Variants in LCOR observed in about 807,000 individuals in gnomAD.
The protein encoded by LCOR is ligand-dependent corepressor.
LCOR carries 14 observed loss-of-function variants against 64.4 expected under a neutral mutation model. That is an observed-to-expected ratio of 0.22 (90% CI 0.14 to 0.34). The LOEUF is 0.34. Among genes scored for constraint, LCOR ranks in the 10% least tolerant of loss-of-function variants. LCOR has a pLI of 1.00. For synonymous variants in LCOR, 643 were observed against 642.5 expected, an observed-to-expected ratio of 1.00 and a Z score of -0.01; for missense variants, 1,686 against 1,765.3, an observed-to-expected ratio of 0.96 and a Z score of 0.80.
intron 2 of LCOR, among the ~76,000 whole-genome samples, chr10:96,846,465 T>A (rs1845631954): frequency 6.6e-6 from 1 of 152,028 alleles, no homozygotes; most frequent in African/African-American, 2.4e-5. Context: ...TTGCCCAGGC[T>A]AGTCTTAAAC....
rs1847893972 is a variant in LCOR at position 96,962,285 on chromosome 10, C to T, written c.332+10089C>T. 2.0e-5 allele frequency: 3 copies of T among 152,148 alleles called. No individual in the cohort carries two copies. In the South Asian group the frequency reaches 6.2e-4, roughly 32 times the overall value. 9.4% of individuals were successfully genotyped at this position (152,148 alleles called of 1,614,324 possible). A position where few individuals can be genotyped will look rare whatever the true frequency, so the allele number is the denominator to read the frequency against. ...CCTAAAATAAAAATTTGTTTCAAAC[C>T]ATTTTAGAAAAATAAATCACTAGGA... On this transcript the variant is annotated intron_variant, in intron 7 of 7. Coordinates refer to ENST00000421806, the MANE Select transcript of LCOR (RefSeq NM_001346516.2).
chr10:96,974,156 A>T (rs1848019648), intron 7 of LCOR, among the ~76,000 whole-genome samples: 1 of 152,254 alleles, frequency 6.6e-6, no homozygotes, highest in African/African-American at 2.4e-5. Context: ...TATGAATATT[A>T]TCTTATCCTT....
chr10:96,918,636 G>A (rs907915153), intron 4 of LCOR, among the ~76,000 whole-genome samples: 13 of 152,190 alleles, frequency 8.5e-5, no homozygotes, highest in Admixed American at 7.9e-4. Flanking sequence ...GTTGGAAAAG[G>A]CAAGATTGTA....
At chr10:96,884,907 G>A (rs1212999604) in intron 2 of LCOR, among the ~76,000 whole-genome samples, 1 of 152,150 alleles carries the variant, frequency 6.6e-6, no homozygotes, top group Non-Finnish European at 1.5e-5. Context: ...TTTCTGGTAC[G>A]TGAGGCATTT....
chr10:96,908,837 T>TCACG (rs1248340400), intron 4 of LCOR, among the ~76,000 whole-genome samples: 1 of 152,090 alleles, frequency 6.6e-6, no homozygotes, highest in East Asian at 1.9e-4. Flanking sequence ...TGCCTCAGCC[T>TCACG]CACGAGTAGC....
At chr10:96,938,491 C>G (rs892601198) in intron 4 of LCOR, among the ~76,000 whole-genome samples, 5 of 151,830 alleles carry the variant, frequency 3.3e-5, no homozygotes, top group African/African-American at 9.7e-5. Context: ...AGGATGTCCA[C>G]TCTCACCATG....
At chr10:96,899,881 T>G (rs1308407903) in intron 2 of LCOR, among the ~76,000 whole-genome samples, 3 of 152,138 alleles carry the variant, frequency 2.0e-5, no homozygotes, top group Non-Finnish European at 4.4e-5. Flanking sequence ...TTACAAATTT[T>G]TACCAAACAG....
At position 96,986,602 on chromosome 10, in the gene LCOR, C is replaced by G. The variant is rs1039522154; in HGVS notation, c.*1468C>G. ...GTTTTAATGACTTTGTTTGCCTTTCCCAGGTGAAGCCTGAGACAGGCGCAT... is the reference window on the plus strand; with the variant it reads ...GTTTTAATGACTTTGTTTGCCTTTCGCAGGTGAAGCCTGAGACAGGCGCAT... On this transcript the variant is annotated 3_prime_UTR_variant, in exon 8 of 8. Transcript: ENST00000421806. 6.6e-6 allele frequency: 1 copy of G among 152,224 alleles called. No individual in the cohort carries two copies. The highest frequency in any genetic ancestry group is 1.5e-5 in the Non-Finnish European group (1 of 68,052). The allele number at this position is 152,224 out of a possible 1,614,324, so 9.4% of individuals were successfully genotyped here.
At chr10:96,868,244 A>T (rs1846010294) in intron 2 of LCOR, among the ~76,000 whole-genome samples, 1 of 151,756 alleles carries the variant, frequency 6.6e-6, no homozygotes, top group Non-Finnish European at 1.5e-5. Context: ...AGTATGCCAT[A>T]AGGAGTGATT....
At chr10:96,979,090 G>C (rs1037444652) in intron 7 of LCOR, among the ~76,000 whole-genome samples, 1 of 152,216 alleles carries the variant, frequency 6.6e-6, no homozygotes, top group Non-Finnish European at 1.5e-5. Context: ...AGCCAGTGGA[G>C]GGTGGGAAGG....
At position 96,844,165 on chromosome 10, in the gene LCOR, C is replaced by T. The variant is rs557235762; in HGVS notation, c.-330+10686C>T. ...CCCTCCCCTCCTGTACCCCCACACA[C>T]CCCAAGACAGGGGTCACTGTGTCAC... On this transcript the variant is annotated intron_variant, in intron 2 of 7. Transcript: ENST00000421806. 2.1e-5 allele frequency among the ~76,000 whole-genome samples: 3 copies of T among 141,102 alleles called. No homozygotes were observed. The South Asian group carries it at 7.3e-4, about 34-fold the overall frequency. 92.6% of individuals were successfully genotyped at this position (141,102 alleles called of 152,430 possible).
At chr10:96,852,644 G>C (rs1230425155) in intron 2 of LCOR, among the ~76,000 whole-genome samples, 1 of 152,126 alleles carries the variant, frequency 6.6e-6, no homozygotes, top group Admixed American at 6.6e-5. Context: ...TTTTATTCTA[G>C]GGAAACAGGC....
At chr10:96,841,430 G>A (rs1182067517) in intron 2 of LCOR, among the ~76,000 whole-genome samples, 1 of 145,392 alleles carries the variant, frequency 6.9e-6, no homozygotes. Flanking sequence ...GCACAATCTC[G>A]GCCCACTGCA....
At chr10:96,935,513 T>C (rs148733118) in intron 4 of LCOR, among the ~76,000 whole-genome samples, 1 of 152,246 alleles carries the variant, frequency 6.6e-6, no homozygotes, top group African/African-American at 2.4e-5. Context: ...TTCTTACTGG[T>C]TCATTTTATT....
intron 4 of LCOR, among the ~76,000 whole-genome samples, chr10:96,921,165 A>T (rs761996451): frequency 3.9e-5 from 6 of 152,096 alleles, no homozygotes; most frequent in Non-Finnish European, 8.8e-5. Context: ...TATCAGATAT[A>T]TAATTTGCAA....
At chr10:96,972,063 G>T (rs982148509) in intron 7 of LCOR, among the ~76,000 whole-genome samples, 14 of 151,856 alleles carry the variant, frequency 9.2e-5, no homozygotes, top group East Asian at 1.9e-4. Context: ...AGTTATAAAG[G>T]ACTATTAATT....
intron 2 of LCOR, among the ~76,000 whole-genome samples, chr10:96,886,671 T>TA (rs139619005): frequency 0.14 from 21,214 of 152,154 alleles, 1,998 homozygotes; most frequent in African/African-American, 0.26. Flanking sequence ...GGCATGACCT[T>TA]ATACTTACTC....
chr10:96,916,750 G>A (rs992437983), intron 4 of LCOR, among the ~76,000 whole-genome samples: 5 of 151,940 alleles, frequency 3.3e-5, no homozygotes, highest in Non-Finnish European at 7.4e-5. Flanking sequence ...GAGTAGCTGG[G>A]ACTACAGGCG....
intron 7 of LCOR, among the ~76,000 whole-genome samples, chr10:96,975,523 C>T (rs1229166549): frequency 6.6e-6 from 1 of 151,616 alleles, no homozygotes; most frequent in South Asian, 2.1e-4. Context: ...ACCTTTATTC[C>T]TATCTCAGTA....
Sources: gnomAD v4.1 joint callset for allele counts (sites outside exome capture counted in the v4.1 genomes callset) on GRCh38, gnomAD v4.1.1 for gene constraint, MANE v1.5 for transcripts, NCBI Gene and HGNC (gene_info 2026-07-23, HGNC 2026-07-21) for gene names.